The following CHML variants were observed in gnomAD, a reference collection of about 807,000 sequenced individuals.
The protein encoded by CHML is rab proteins geranylgeranyltransferase component A 2.
A neutral mutation model predicts 30.4 loss-of-function variants in CHML; 20 were observed. That is an observed-to-expected ratio of 0.66 (90% CI 0.46 to 0.95). The LOEUF (loss-of-function observed/expected upper bound fraction) is 0.95, where lower values mean the gene tolerates loss of function less well. CHML is among the 40% of genes least tolerant of loss of function. The probability of loss-of-function intolerance (pLI) is 0.00; values close to 1 mark genes in which losing one functional copy is unlikely to be tolerated. For synonymous variants in CHML, 281 were observed against 275.0 expected (o/e 1.02, Z -0.22); for missense variants, 795 against 768.5 (o/e 1.03, Z -0.41).
rs1201391139 is a variant in CHML at position 241,640,367 on chromosome 1, A to C, written c.-793T>G. The C allele has an allele frequency of 1.2e-5, 12 of 1,015,908 alleles. No homozygotes were observed. Among genetic ancestry groups the C allele is most frequent in the Non-Finnish European group, 1.4e-5 (12 of 843,716 alleles). 62.9% of individuals were successfully genotyped at this position (1,015,908 alleles called of 1,614,324 possible). ...CCGCCGCCTGCTCTAGCCATTGTGCACTGAGGGGCCCGCGCTACCGCGCGC... is the reference window on the plus strand; with the variant it reads ...CCGCCGCCTGCTCTAGCCATTGTGCCCTGAGGGGCCCGCGCTACCGCGCGC... On this transcript the variant is annotated 5_prime_UTR_variant, in exon 1 of 2. Coordinates refer to ENST00000366553, the MANE Select transcript of CHML (RefSeq NM_001381853.1).
rs1016412166 is a variant in CHML, at chr1:241,631,813, T to C, written c.*1983A>G. On this transcript the variant is annotated 3_prime_UTR_variant, in exon 2 of 2. Transcript: ENST00000366553. ...AAGCTGCAGGACCAGTGTGTGCTTT[T>C]TACCCCCGGCAATGCTAGACTAATT... The C allele has an allele frequency of 3.3e-5, 5 of 152,176 alleles. No individual in the cohort carries two copies. Among genetic ancestry groups the C allele is most frequent in the Non-Finnish European group, 5.9e-5 (4 of 68,016 alleles). The allele number at this position is 152,176 out of a possible 1,614,324, so 9.4% of individuals were successfully genotyped here.
rs372709054 is a variant in CHML, at chr1:241,632,750, A to G, written c.*1046T>C. On this transcript the variant is annotated 3_prime_UTR_variant, in exon 2 of 2. Transcript: ENST00000366553. ...CATTCCTATCAGTTATGTTATAGTGATATTAATTAAAGTGGTAGAGCCAAC... is the reference window on the plus strand; with the variant it reads ...CATTCCTATCAGTTATGTTATAGTGGTATTAATTAAAGTGGTAGAGCCAAC... 10 of 152,106 alleles carry G rather than the reference A, an allele frequency of 6.6e-5. No homozygotes were observed. Among genetic ancestry groups the G allele is most frequent in the Non-Finnish European group, 1.2e-4 (8 of 67,986 alleles). 9.4% of individuals were successfully genotyped at this position (152,106 alleles called of 1,614,324 possible). A position where few individuals can be genotyped will look rare whatever the true frequency, so the allele number is the denominator to read the frequency against.
Position 241,635,829 on chromosome 1 carries a change from T to C in CHML, c.-63A>G. On this transcript the variant is annotated 5_prime_UTR_variant, in exon 2 of 2. Transcript: ENST00000366553. ...AAAGAAATGAGGTGTGATTATGCTG[T>C]AATAAAATCTGTCCTTCTGATGTTC... The C allele has an allele frequency of 1.4e-6, 2 of 1,480,070 alleles. No homozygotes were observed. Among genetic ancestry groups the C allele is most frequent in the Non-Finnish European group, 1.8e-6 (2 of 1,091,708 alleles). 91.7% of individuals were successfully genotyped at this position (1,480,070 alleles called of 1,614,324 possible).
chr1:241,634,915 AAAGAC>A lies in CHML; in HGVS notation c.847_851del (p.Val283Ter). 6.2e-7 allele frequency: 1 copy of A among 1,611,316 alleles called. No homozygotes were observed. On this transcript the variant is annotated frameshift_variant, in exon 2 of 2. Transcript: ENST00000366553. LOFTEE classifies it high-confidence loss of function. ...CAACCATGGTGAGTTCCTTGCTATT[AAAGAC>A]ATCTGCTCTGGAACAAGGAACTTGT...
At chr1:241,637,599 G>A (rs1482326611) in intron 1 of CHML, among the ~76,000 whole-genome samples, 1 of 152,192 alleles carries the variant, frequency 6.6e-6, no homozygotes, top group Non-Finnish European at 1.5e-5. Flanking sequence ...GGTAGGAGTA[G>A]GAGCAGAAGA....
chr1:241,640,080 T>G lies in CHML; in HGVS notation c.-506A>C. ...TAGTAGAGGACGAGCACCAGCAGGT[T>G]GTTGCCGACGCCCAGCAGCCCAATG... On this transcript the variant is annotated 5_prime_UTR_variant, in exon 1 of 2. Transcript: ENST00000366553. The G allele has an allele frequency of 6.2e-7, 1 of 1,610,546 alleles. No individual in the cohort carries two copies. Among genetic ancestry groups the G allele is most frequent in the Non-Finnish European group, 8.5e-7 (1 of 1,178,760 alleles).
rs768241726 is a variant in CHML at position 241,634,055 on chromosome 1, G to A, written c.1712C>T (p.Pro571Leu). 6.2e-7 allele frequency: 1 copy of A among 1,612,518 alleles called. No individual in the cohort carries two copies. Among genetic ancestry groups the A allele is most frequent in the Non-Finnish European group, 8.5e-7 (1 of 1,179,460 alleles). ...CCCAGAGCAGACATAAACATTGGAAGGCAAGCCATTATACGAGCTTCTGCT... is the reference window on the plus strand; with the variant it reads ...CCCAGAGCAGACATAAACATTGGAAAGCAAGCCATTATACGAGCTTCTGCT... Reference protein sequence around the residue: ...GISRSSYNGLPSNVYVCSGPD... With the variant: ...GISRSSYNGLLSNVYVCSGPD... The change falls in exon 2 of 2, where the codon CCT becomes CTT. Residue 571 changes from proline to leucine, a missense_variant. Transcript: ENST00000366553.
Position 241,632,206 on chromosome 1 carries a change from C to G in CHML, c.*1590G>C, listed in dbSNP as rs1247476203. On this transcript the variant is annotated 3_prime_UTR_variant, in exon 2 of 2. Transcript: ENST00000366553. ...TTTCCCTTTTCACTTAGTTCTCATT[C>G]TCTCTTGTCCACCGCCATGTAAGAC... 2 of 152,748 alleles carry G rather than the reference C, an allele frequency of 1.3e-5. No homozygotes were observed. The highest frequency in any genetic ancestry group is 4.8e-5 in the African/African-American group (2 of 41,434). 9.5% of individuals were successfully genotyped at this position (152,748 alleles called of 1,614,324 possible).
Position 241,634,420 on chromosome 1 carries a change from C to G in CHML, c.1347G>C (p.Val449=). Residue 449 remains valine (V), a synonymous_variant, in exon 2 of 2, where the codon GTG becomes GTC. Coordinates refer to ENST00000366553, the MANE Select transcript of CHML (RefSeq NM_001381853.1). The part of the protein sequence containing the change: ...SYLSEETCSN[V]QYKQISRAVL... ...CTGCCCTAGAGATCTGCTTATACTGCACATTTGAGCATGTTTCCTCAGAAA... is the reference window on the plus strand; with the variant it reads ...CTGCCCTAGAGATCTGCTTATACTGGACATTTGAGCATGTTTCCTCAGAAA... 1 of 1,613,748 alleles carries G rather than the reference C, an allele frequency of 6.2e-7. No individual in the cohort carries two copies. Among genetic ancestry groups the G allele is most frequent in the South Asian group, 1.1e-5 (1 of 91,082 alleles).
rs1429940589 is a variant in CHML at position 241,639,971 on chromosome 1, AC to A, written c.-398del. On this transcript the variant is annotated 5_prime_UTR_variant, in exon 1 of 2. An upstream open reading frame in the 5' UTR gains an earlier in-frame stop. Coordinates refer to ENST00000366553, the MANE Select transcript of CHML (RefSeq NM_001381853.1). ...CAGGCAGGACACGAAGGTAAAGGTG[AC>A]CCCGAAGAGGGACACCAGCAGGTCG... 6.2e-7 allele frequency: 1 copy of A among 1,612,054 alleles called. No individual in the cohort carries two copies. Among genetic ancestry groups the A allele is most frequent in the African/African-American group, 1.3e-5 (1 of 74,672 alleles).
At position 241,630,126 on chromosome 1, in the gene CHML, G is replaced by T. The variant is rs1018969567; in HGVS notation, c.*3670C>A. 6.6e-6 allele frequency: 1 copy of T among 151,956 alleles called. No homozygotes were observed. The highest frequency in any genetic ancestry group is 2.4e-5 in the African/African-American group (1 of 41,392). The allele number at this position is 151,956 out of a possible 1,614,324, so 9.4% of individuals were successfully genotyped here. Reference sequence around the variant, plus strand: ...AACTTAATCCCCACAATAATTCTGTGAAGTATTTCTCTTCTGTAGATGGTG... The same window carrying T: ...AACTTAATCCCCACAATAATTCTGTTAAGTATTTCTCTTCTGTAGATGGTG... On this transcript the variant is annotated 3_prime_UTR_variant, in exon 2 of 2. Coordinates refer to ENST00000366553, the MANE Select transcript of CHML (RefSeq NM_001381853.1).
rs774776362 is a variant in CHML, at chr1:241,633,583, A to G, written c.*213T>C. The G allele has an allele frequency of 3.1e-5, 18 of 589,904 alleles. No individual in the cohort carries two copies. Among genetic ancestry groups the G allele is most frequent in the Non-Finnish European group, 5.2e-5 (18 of 343,536 alleles). 36.5% of individuals were successfully genotyped at this position (589,904 alleles called of 1,614,324 possible). A position where few individuals can be genotyped will look rare whatever the true frequency, so the allele number is the denominator to read the frequency against. The stretch of plus-strand genomic sequence containing the variant: ...TTTAAGATTCTGGGTCATATAGCCC[A>G]TTCTAAACAAAATGTTCAATAATCA... On this transcript the variant is annotated 3_prime_UTR_variant, in exon 2 of 2. Coordinates refer to ENST00000366553, the MANE Select transcript of CHML (RefSeq NM_001381853.1).
At position 241,633,617 on chromosome 1, in the gene CHML, C is replaced by G; in HGVS notation, c.*179G>C. 1 of 666,358 alleles carries G rather than the reference C, an allele frequency of 1.5e-6. No homozygotes were observed. The highest frequency in any genetic ancestry group is 2.5e-6 in the Non-Finnish European group (1 of 398,356). 41.3% of individuals were successfully genotyped at this position (666,358 alleles called of 1,614,324 possible). On this transcript the variant is annotated 3_prime_UTR_variant, in exon 2 of 2. Transcript: ENST00000366553. ...AAAATGTTCAATAATCAATAAATCA[C>G]TCATTGATAGGTTAACAAAGATATT...
At position 241,635,546 on chromosome 1, in the gene CHML, A is replaced by G. The variant is rs1664862456; in HGVS notation, c.221T>C (p.Val74Ala). The change falls in exon 2 of 2, where the codon GTT becomes GCT. Residue 74 changes from valine to alanine, a missense_variant. By Grantham distance (64) the Val-to-Ala change is moderately conservative (BLOSUM62 0). Transcript: ENST00000366553. ...QNNDIGEESTVVWQDLIHETE... is the reference protein window; with the variant it reads ...QNNDIGEESTAVWQDLIHETE... ...TTCATGGATCAGGTCCTGCCATACA[A>G]CAGTACTTTCTTCCCCAATGTCATT... 1 of 1,613,930 alleles carries G rather than the reference A, an allele frequency of 6.2e-7. No individual in the cohort carries two copies. Among genetic ancestry groups the G allele is most frequent in the African/African-American group, 1.3e-5 (1 of 74,924 alleles).
chr1:241,635,082 A>G lies in CHML; in HGVS notation c.685T>C (p.Phe229Leu), dbSNP rs1369296413. 2.5e-6 allele frequency: 4 copies of G among 1,612,590 alleles called. No individual in the cohort carries two copies. The highest frequency in any genetic ancestry group is 2.2e-5 in the South Asian group (2 of 91,018). Residue 229 changes from phenylalanine (F) to leucine (L), a missense_variant, in exon 2 of 2, where the codon TTT becomes CTT. Coordinates refer to ENST00000366553, the MANE Select transcript of CHML (RefSeq NM_001381853.1). ...YSQIVKEGRR[F>L]NIDLVSKLLY... ...AGTTTTGACACCAAATCAATATTAA[A>G]CCTCCTGCCTTCTTTAACTATTTGA...
chr1:241,635,141 G>A lies in CHML; in HGVS notation c.626C>T (p.Ala209Val), dbSNP rs41269377. 0.021 allele frequency: 34,529 copies of A among 1,612,470 alleles called. 513 individuals are homozygous for A. The highest frequency in any genetic ancestry group is 0.058 in the Middle Eastern group (354 of 6,062). Residue 209 changes from alanine to valine, a missense_variant, in exon 2 of 2, where the codon GCC becomes GTC. Transcript: ENST00000366553. Reference protein sequence around the residue: ...DESKSTVEDKADEPIRNRITY... With the variant: ...DESKSTVEDKVDEPIRNRITY... ...AATCCTATTTCTAATTGGTTCATCG[G>A]CCTTATCTTCTACTGTAGATTTGCT...
At position 241,630,519 on chromosome 1, in the gene CHML, C is replaced by T. The variant is rs766906897; in HGVS notation, c.*3277G>A. On this transcript the variant is annotated 3_prime_UTR_variant, in exon 2 of 2. Transcript: ENST00000366553. Reference sequence around the variant, plus strand: ...TAGTCTTTGTTAGTACATTTTTATACTATAAGTTTTAGCAGTTGTAAAGCC... The same window carrying T: ...TAGTCTTTGTTAGTACATTTTTATATTATAAGTTTTAGCAGTTGTAAAGCC... 11 of 151,980 alleles carry T rather than the reference C, an allele frequency of 7.2e-5. No homozygotes were observed. The highest frequency in any genetic ancestry group is 1.2e-4 in the Non-Finnish European group (8 of 67,916). 9.4% of individuals were successfully genotyped at this position (151,980 alleles called of 1,614,324 possible).
chr1:241,634,748 A>C lies in CHML; in HGVS notation c.1019T>G (p.Leu340Arg), dbSNP rs1289631929. ...KLTPNLQHFV[L>R]HSIAMTSESS... The stretch of plus-strand genomic sequence containing the variant: ...TTCTGATGTCATTGCAATTGAGTGC[A>C]GTACAAAATGTTGAAGGTTGGGAGT... The change falls in exon 2 of 2, where the codon CTG (leucine) becomes CGG (arginine). Residue 340 changes from leucine (L) to arginine (R), a missense_variant. Physicochemically the swap from Leu to Arg is moderately radical, Grantham distance 102. Coordinates refer to ENST00000366553, the MANE Select transcript of CHML (RefSeq NM_001381853.1). 6.2e-7 allele frequency: 1 copy of C among 1,614,008 alleles called. No individual in the cohort carries two copies. Among genetic ancestry groups the C allele is most frequent in the South Asian group, 1.1e-5 (1 of 91,080 alleles).
In CHML at chr1:241,635,408, T is replaced by G. The variant is rs1415567556; in HGVS notation, c.359A>C (p.Gln120Pro). The change falls in exon 2 of 2, where the codon CAG becomes CCG. Residue 120 changes from glutamine (Q) to proline (P), a missense_variant. By Grantham distance (76) the Gln-to-Pro change is moderately conservative. Transcript: ENST00000366553. The part of the protein sequence containing the change: ...EDNVEEIGAL[Q>P]KNPSLGVSNT... The stretch of plus-strand genomic sequence containing the variant: ...AGACACCCCCAAAGAAGGATTTTTC[T>G]GCAGAGCACCAATCTCTTCAACGTT... The G allele has an allele frequency of 1.7e-5, 28 of 1,614,050 alleles. 1 individual carries two copies. Among genetic ancestry groups the G allele is most frequent in the Non-Finnish European group, 2.4e-5 (28 of 1,179,948 alleles).
Sources: gnomAD v4.1 joint callset for allele counts (sites outside exome capture counted in the v4.1 genomes callset) on GRCh38, gnomAD v4.1.1 for gene constraint, MANE v1.5 for transcripts, NCBI Gene and HGNC (gene_info 2026-07-23, HGNC 2026-07-21) for gene names.